The following MEIG1 variants were observed in gnomAD, a reference collection of about 807,000 sequenced individuals.
MEIG1 encodes meiosis expressed gene 1 protein homolog.
Under a neutral mutation model 11.3 loss-of-function variants are expected in MEIG1, and 12 were observed. The observed-to-expected ratio is 1.07, with a 90% confidence interval of 0.68 to 1.73. The LOEUF (loss-of-function observed/expected upper bound fraction) is 1.73. MEIG1 is among the 40% of genes most tolerant of loss of function. The pLI is 0.00. For missense variants in MEIG1, 119 were observed against 104.9 expected (o/e 1.13, Z -0.59); for synonymous variants, 41 against 33.2 (o/e 1.24, Z -0.81).
intron 1 of MEIG1, among the ~76,000 whole-genome samples, chr10:14,965,506 A>G (rs550889637): frequency 6.6e-6 from 1 of 152,154 alleles, no homozygotes; most frequent in African/African-American, 2.4e-5. Flanking sequence ...GTGTTAGGCC[A>G]TTTTCTCACA....
chr10:14,983,817 C>T (rs1843288771), intron 1 of MEIG1, among the ~76,000 whole-genome samples: 1 of 151,846 alleles, frequency 6.6e-6, no homozygotes, highest in African/African-American at 2.4e-5. Flanking sequence ...GAGAGGTTGA[C>T]CCTCCTCCCA....
chr10:14,966,582 T>C lies in MEIG1; in HGVS notation c.114T>C (p.Tyr38=), dbSNP rs1277733889. ...QQAGYRDETE[Y]RQVKQVSMVD... ...CAGGATATCGGGATGAAACCGAATA[T>C]AGACAAGTGAAACAAGTTTCTATGG... Residue 38 remains tyrosine, a synonymous_variant, in exon 2 of 3, where the codon TAT becomes TAC. Coordinates refer to ENST00000407572, the MANE Select transcript of MEIG1 (RefSeq NM_001080836.3). The C allele has an allele frequency of 3.1e-6, 5 of 1,610,906 alleles. No individual in the cohort carries two copies. The Admixed American group carries it at 6.7e-5, about 22-fold the overall frequency.
intron 1 of MEIG1, among the ~76,000 whole-genome samples, chr10:14,964,521 G>A (rs1364396595): frequency 6.8e-6 from 1 of 146,814 alleles, no homozygotes; most frequent in Non-Finnish European, 1.5e-5. Context: ...TCTAATTAAT[G>A]TCATGCTTAT....
At chr10:14,960,824 C>G (rs995918854) in intron 1 of MEIG1, among the ~76,000 whole-genome samples, 1 of 151,830 alleles carries the variant, frequency 6.6e-6, no homozygotes, top group Non-Finnish European at 1.5e-5. Context: ...GTCGGGAATT[C>G]GAGACCAGCC....
chr10:14,956,199 A>G (rs1013763108), upstream of MEIG1, among the ~76,000 whole-genome samples: 2 of 152,196 alleles, frequency 1.3e-5, no homozygotes, highest in African/African-American at 2.4e-5. Flanking sequence ...ACTCTGGGAG[A>G]GTGGGGCCTG....
intron 2 of MEIG1, among the ~76,000 whole-genome samples, chr10:14,969,185 G>T (rs114688534): frequency 7.3e-4 from 111 of 152,342 alleles, no homozygotes; most frequent in African/African-American, 2.6e-3. Context: ...GGTGGCTTAC[G>T]CCTCTAAGCC....
chr10:14,987,932 T>C (rs1349510951), exon 3 of MEIG1: 1 of 153,342 alleles, frequency 6.5e-6, no homozygotes, highest in African/African-American at 2.4e-5. Flanking sequence ...GAAAACGAAA[T>C]CGAACCTTAT....
At chr10:14,967,333 T>C (rs1165657613) in intron 2 of MEIG1, among the ~76,000 whole-genome samples, 4 of 148,570 alleles carry the variant, frequency 2.7e-5, no homozygotes, top group Non-Finnish European at 5.9e-5. Flanking sequence ...CAATTATACC[T>C]TACAAACAAA....
intron 1 of MEIG1, among the ~76,000 whole-genome samples, chr10:14,985,862 T>C (rs1403423910): frequency 6.6e-6 from 1 of 152,036 alleles, no homozygotes; most frequent in Non-Finnish European, 1.5e-5. Flanking sequence ...GTATTCATAA[T>C]ATCCTAGGGA....
chr10:14,973,893 C>T (rs1843179506), downstream of MEIG1, among the ~76,000 whole-genome samples: 1 of 152,082 alleles, frequency 6.6e-6, no homozygotes, highest in Non-Finnish European at 1.5e-5. Context: ...GGATTGCAGC[C>T]TCAGGATTTA....
intron 1 of MEIG1, among the ~76,000 whole-genome samples, chr10:14,962,178 G>C (rs556459490): frequency 2.9e-4 from 44 of 152,284 alleles, no homozygotes; most frequent in African/African-American, 1.0e-3. Flanking sequence ...CAAGAGCTAA[G>C]TACTAGCAGA....
chr10:14,961,550 A>C (rs1250493233), intron 1 of MEIG1, among the ~76,000 whole-genome samples: 1 of 151,116 alleles, frequency 6.6e-6, no homozygotes, highest in African/African-American at 2.4e-5. Context: ...GGCTCACCGC[A>C]ACCTCCGTCT....
intron 1 of MEIG1, among the ~76,000 whole-genome samples, chr10:14,978,881 C>G (rs1372712548): frequency 1.3e-5 from 2 of 151,966 alleles, no homozygotes; most frequent in African/African-American, 4.8e-5. Flanking sequence ...GGGTGCACAC[C>G]AAATGATATT....
At chr10:14,985,905 C>A (rs943435669) in intron 1 of MEIG1, among the ~76,000 whole-genome samples, 1 of 151,970 alleles carries the variant, frequency 6.6e-6, no homozygotes, top group African/African-American at 2.4e-5. Flanking sequence ...TGCGTGTACC[C>A]CGGGTGTGTA....
chr10:14,960,007 A>G (rs1052358039), intron 1 of MEIG1, among the ~76,000 whole-genome samples: 19 of 152,338 alleles, frequency 1.2e-4, no homozygotes, highest in African/African-American at 4.1e-4. Flanking sequence ...TGCTGCACAC[A>G]GGCAGGTCAG....
chr10:14,985,263 A>G lies in MEIG1; in HGVS notation n.67-1533A>G, dbSNP rs149249487. ...ATGTTGCTACTATGGTCACGGGGGT[A>G]TACACCCTGTGATATGACTCGTCAT... On this transcript the variant is annotated intron_variant and non_coding_transcript_variant, in intron 1 of 2. Transcript: ENST00000467536. 4.0e-3 allele frequency among the ~76,000 whole-genome samples: 607 copies of G among 151,908 alleles called. 2 individuals are homozygous for G. Among genetic ancestry groups the G allele is most frequent in the African/African-American group, 0.012 (487 of 41,316 alleles).
chr10:14,981,945 G>A (rs555695867), intron 1 of MEIG1, among the ~76,000 whole-genome samples: 7 of 152,206 alleles, frequency 4.6e-5, no homozygotes, highest in African/African-American at 1.7e-4. Flanking sequence ...TTTTCCTCGC[G>A]GCTTACTGCA....
downstream of MEIG1, among the ~76,000 whole-genome samples, chr10:14,973,969 G>C (rs2131276370): frequency 6.6e-6 from 1 of 152,208 alleles, no homozygotes; most frequent in South Asian, 2.1e-4. Context: ...GCTTATTTCA[G>C]GGCTATCGGG....
chr10:14,973,546 A>G (rs12777705), downstream of MEIG1, among the ~76,000 whole-genome samples: 101,639 of 151,860 alleles, frequency 0.67, 34,229 homozygotes, highest in South Asian at 0.7. Context: ...GAGGAGGGTG[A>G]ATCATGAGGT....
Sources: gnomAD v4.1 joint callset for allele counts (sites outside exome capture counted in the v4.1 genomes callset) on GRCh38, gnomAD v4.1.1 for gene constraint, MANE v1.5 for transcripts, NCBI Gene and HGNC (gene_info 2026-07-23, HGNC 2026-07-21) for gene names.